Variants in ACTR3C observed in about 807,000 individuals in gnomAD.
ACTR3C encodes the protein actin related protein 3C, also known as actin-related protein 3C.
ACTR3C carries 18 observed loss-of-function variants against 26.3 expected under a neutral mutation model. The ratio of observed to expected loss-of-function variants is 0.68; its 90% CI spans 0.47 to 1.01. The LOEUF (loss-of-function observed/expected upper bound fraction) is 1.01. ACTR3C is among the 50% of genes least tolerant of loss of function. The probability of loss-of-function intolerance (pLI) is 0.00; values close to 1 mark genes in which losing one functional copy is unlikely to be tolerated. For missense variants in ACTR3C, 184 were observed against 250.7 expected (o/e 0.73, Z 1.80); for synonymous variants, 55 against 94.5 (o/e 0.58, Z 2.42).
chr7:150,034,071 G>C, the ACTR3C span, among the ~76,000 whole-genome samples: 1 of 151,428 alleles, frequency 6.6e-6, no homozygotes, highest in South Asian at 2.1e-4. Context: ...CCCGCCTCGC[G>C]GGGGGTGCCT....
At chr7:150,095,820 A>G in the ACTR3C span, among the ~76,000 whole-genome samples, 3 of 150,816 alleles carry the variant, frequency 2.0e-5, no homozygotes, top group Admixed American at 1.3e-4. Context: ...CATTGGTTCC[A>G]TATGCATATC....
chr7:150,129,549 A>C, the ACTR3C span, among the ~76,000 whole-genome samples: 362 of 152,360 alleles, frequency 2.4e-3, 1 homozygote, highest in African/African-American at 8.3e-3. Flanking sequence ...AATTTGTAGG[A>C]TAAAAAGTCA....
chr7:149,994,308 A>G, the ACTR3C span, among the ~76,000 whole-genome samples: 2 of 152,140 alleles, frequency 1.3e-5, no homozygotes, highest in East Asian at 1.9e-4. Flanking sequence ...GAAACTAAAG[A>G]GGGGCTTGGC....
chr7:150,043,314 C>T, the ACTR3C span, among the ~76,000 whole-genome samples: 6 of 151,460 alleles, frequency 4.0e-5, no homozygotes, highest in Admixed American at 3.9e-4. Context: ...CTCTCAGTCC[C>T]CGCCTTGCGG....
intron 6 of ACTR3C, among the ~76,000 whole-genome samples, chr7:150,279,123 C>G (rs762177769): frequency 2.6e-5 from 4 of 152,134 alleles, no homozygotes; most frequent in Non-Finnish European, 5.9e-5. Context: ...GGCAAGAGAG[C>G]AAGACCTCAA....
At chr7:150,244,751 T>A, downstream of ACTR3C, 1 of 177,900 alleles carries the variant, frequency 5.6e-6, no homozygotes, top group East Asian at 1.3e-4. Context: ...CAGCCTCTGC[T>A]CTTCCCAGCC....
At chr7:149,928,466 T>TA in the ACTR3C span, among the ~76,000 whole-genome samples, 5,210 of 147,546 alleles carry the variant, frequency 0.035, 309 homozygotes, top group African/African-American at 0.12. Flanking sequence ...ATGATCCACC[T>TA]CCTCGGCCTC....
the ACTR3C span, among the ~76,000 whole-genome samples, chr7:149,923,156 C>T: frequency 6.8e-6 from 1 of 148,044 alleles, no homozygotes; most frequent in African/African-American, 2.5e-5. Flanking sequence ...CTAAAGTGCA[C>T]CAAAAAAGAT....
At chr7:150,162,765 A>G in the ACTR3C span, among the ~76,000 whole-genome samples, 1 of 152,246 alleles carries the variant, frequency 6.6e-6, no homozygotes, top group African/African-American at 2.4e-5. Flanking sequence ...AGGGATTGTA[A>G]AGATCCATCC....
At chr7:150,250,446 G>A (rs1301952925) in intron 6 of ACTR3C, among the ~76,000 whole-genome samples, 2 of 151,792 alleles carry the variant, frequency 1.3e-5, no homozygotes, top group Non-Finnish European at 2.9e-5. Flanking sequence ...CTCGTGATCC[G>A]CCCGCCTCGG....
chr7:149,883,918 T>TCTTCTGGTTCTGTCTTCCCGAACC, the ACTR3C span, among the ~76,000 whole-genome samples: 3 of 151,906 alleles, frequency 2.0e-5, no homozygotes, highest in South Asian at 6.3e-4. Flanking sequence ...CTTCCCGAAC[T>TCTTCTGGTTCTGTCTTCCCGAACC]GTTTCGTACC....
At chr7:150,262,655 A>G (rs1223701203) in intron 6 of ACTR3C, among the ~76,000 whole-genome samples, 1 of 152,254 alleles carries the variant, frequency 6.6e-6, no homozygotes, top group Non-Finnish European at 1.5e-5. Context: ...AAGAAAAAAT[A>G]CTGATAGCAA....
the ACTR3C span, among the ~76,000 whole-genome samples, chr7:150,048,780 G>A: frequency 0.24 from 36,456 of 151,070 alleles, 4,773 homozygotes; most frequent in East Asian, 0.44. Flanking sequence ...GAGGGCGCGG[G>A]GTGGTCGGAC....
chr7:149,974,445 T>G, the ACTR3C span, among the ~76,000 whole-genome samples: 3 of 152,190 alleles, frequency 2.0e-5, no homozygotes, highest in East Asian at 5.8e-4. Context: ...AGGCCACTTC[T>G]TCTTTCCTTG....
chr7:150,054,718 TCA>T, the ACTR3C span, among the ~76,000 whole-genome samples: 2 of 152,230 alleles, frequency 1.3e-5, no homozygotes, highest in African/African-American at 4.8e-5. Flanking sequence ...CATGCTTGTG[TCA>T]TTAAAGCCAA....
the ACTR3C span, among the ~76,000 whole-genome samples, chr7:149,889,039 TA>T: frequency 6.0e-5 from 9 of 149,334 alleles, no homozygotes; most frequent in East Asian, 5.9e-4. Context: ...AAAAAGAAAT[TA>T]AAAAAAAACC....
At chr7:150,288,265 C>A (rs986023414) in intron 4 of ACTR3C, among the ~76,000 whole-genome samples, 3 of 149,944 alleles carry the variant, frequency 2.0e-5, no homozygotes, top group African/African-American at 5.0e-5. Flanking sequence ...CCCAACAGCC[C>A]GTGAGGAGAG....
chr7:150,089,045 C>A, the ACTR3C span, among the ~76,000 whole-genome samples: 23 of 152,232 alleles, frequency 1.5e-4, no homozygotes, highest in East Asian at 5.8e-4. Flanking sequence ...TTCAGGTAGA[C>A]ATAATAATAT....
chr7:150,044,505 G>A, the ACTR3C span, among the ~76,000 whole-genome samples: 2 of 152,176 alleles, frequency 1.3e-5, no homozygotes, highest in Admixed American at 6.5e-5. Flanking sequence ...ACCCAAAACA[G>A]GCTTTCCTGT....
Sources: gnomAD v4.1 joint callset for allele counts (sites outside exome capture counted in the v4.1 genomes callset) on GRCh38, gnomAD v4.1.1 for gene constraint, MANE v1.5 for transcripts, NCBI Gene and HGNC (gene_info 2026-07-23, HGNC 2026-07-21) for gene names.